MICAL2: variants seen among roughly 807,000 people sequenced by gnomAD.
The protein encoded by MICAL2 is [F-actin]-monooxygenase MICAL2.
MICAL2 carries 77 observed loss-of-function variants against 127.3 expected under a neutral mutation model. That is an observed-to-expected ratio of 0.60 (90% CI 0.50 to 0.73). The LOEUF (loss-of-function observed/expected upper bound fraction) is 0.73, where lower values mean the gene tolerates loss of function less well. Among genes scored for constraint, MICAL2 ranks in the 30% least tolerant of loss-of-function variants. MICAL2 has a pLI of 0.00. For missense variants in MICAL2, 1,351 were observed against 1,434.4 expected (o/e 0.94, Z 0.94); for synonymous variants, 570 against 551.1 (o/e 1.03, Z -0.48).
chr11:12,143,141 G>T (rs941532002), intron 2 of MICAL2, among the ~76,000 whole-genome samples: 1 of 152,222 alleles, frequency 6.6e-6, no homozygotes, highest in African/African-American at 2.4e-5. Flanking sequence ...TTACCAAGGA[G>T]GGGCTGTGAG....
At chr11:12,240,970 C>A in intron 17 of MICAL2, 70 bp from the exon 18 acceptor site, 2 of 1,575,344 alleles carry the variant, frequency 1.3e-6, no homozygotes, top group Non-Finnish European at 1.7e-6. Context: ...CTCCAAGCCT[C>A]TCAATCTGAC....
At chr11:12,258,201 G>A (rs745974719) in intron 24 of MICAL2, among the ~76,000 whole-genome samples, 6 of 152,252 alleles carry the variant, frequency 3.9e-5, no homozygotes, top group South Asian at 4.1e-4. Context: ...TACGGGAGCC[G>A]GCATGGTTTG....
chr11:12,217,799 G>T (rs544307104), intron 8 of MICAL2, among the ~76,000 whole-genome samples: 1 of 152,218 alleles, frequency 6.6e-6, no homozygotes, highest in African/African-American at 2.4e-5. Flanking sequence ...TCCTTCAGAG[G>T]CCCCTGGGAG....
At chr11:12,246,281 G>A (rs1590615636) in intron 21 of MICAL2, among the ~76,000 whole-genome samples, 2 of 152,360 alleles carry the variant, frequency 1.3e-5, no homozygotes, top group South Asian at 4.1e-4. Context: ...CCTGCCTGCT[G>A]CTGTCTCTGG....
At chr11:12,219,501 C>T (rs1463061311) in intron 8 of MICAL2, among the ~76,000 whole-genome samples, 2 of 124,742 alleles carry the variant, frequency 1.6e-5, no homozygotes, top group Non-Finnish European at 3.1e-5. Flanking sequence ...GCTCTCTAAC[C>T]TGGGAGACAA....
intron 13 of MICAL2, among the ~76,000 whole-genome samples, chr11:12,225,076 T>TC (rs928747303): frequency 7.1e-5 from 10 of 140,214 alleles, no homozygotes; most frequent in East Asian, 4.9e-4. Context: ...CCACTACCCT[T>TC]CCCCCCCGAG....
At chr11:12,355,883 G>A (rs1310931690) in intron 34 of MICAL2, among the ~76,000 whole-genome samples, 2 of 152,094 alleles carry the variant, frequency 1.3e-5, no homozygotes, top group African/African-American at 2.4e-5. Context: ...AGACTAAAGT[G>A]GTATAAATCA....
chr11:12,356,402 C>T (rs370811620), intron 34 of MICAL2, among the ~76,000 whole-genome samples: 5 of 152,202 alleles, frequency 3.3e-5, no homozygotes, highest in African/African-American at 1.2e-4. Flanking sequence ...GATGCCACCC[C>T]TCCCTTCTCT....
intron 22 of MICAL2, chr11:12,252,839 A>G (rs1332884227): frequency 2.0e-5 from 3 of 152,100 alleles, no homozygotes; most frequent in African/African-American, 7.2e-5. Flanking sequence ...CCCACACACA[A>G]GTTACTGTTA....
downstream of MICAL2, among the ~76,000 whole-genome samples, chr11:12,360,020 A>C (rs1457901289): frequency 6.6e-6 from 1 of 152,086 alleles, no homozygotes; most frequent in Non-Finnish European, 1.5e-5. Flanking sequence ...GAGTCAGCCA[A>C]TGCTTTGGGT....
chr11:12,291,143 G>A (rs16911023), downstream of MICAL2, among the ~76,000 whole-genome samples: 965 of 152,280 alleles, frequency 6.3e-3, 13 homozygotes, highest in African/African-American at 0.022. Context: ...ATCCCTACGT[G>A]CCACCACGGT....
chr11:12,110,831 G>A lies in MICAL2; in HGVS notation c.-149+105G>A, dbSNP rs1383327551. 2 of 152,156 alleles carry A rather than the reference G, an allele frequency of 1.3e-5. No homozygotes were observed. Among genetic ancestry groups the A allele is most frequent in the Non-Finnish European group, 2.9e-5 (2 of 68,024 alleles). 9.4% of individuals were successfully genotyped at this position (152,156 alleles called of 1,614,324 possible). A position where few individuals can be genotyped will look rare whatever the true frequency, so the allele number is the denominator to read the frequency against. ...TCTGCGCCGTGTCCAACGCCCGGGA[G>A]GGTCAGGTGCGGCCGCAGCATCCCC... On this transcript the variant is annotated intron_variant, in intron 1 of 27. Coordinates refer to ENST00000683283, the MANE Select transcript of MICAL2 (RefSeq NM_001282663.2). The surrounding 1 kb of genome is among the most constrained non-coding windows in gnomAD (Gnocchi z 4.5).
In MICAL2 at chr11:12,209,687, C is replaced by T; in HGVS notation, c.691+89C>T. The T allele has an allele frequency of 3.4e-6, 4 of 1,162,160 alleles. No homozygotes were observed. In the South Asian group the frequency reaches 5.0e-5, roughly 14 times the overall value. The allele number at this position is 1,162,160 out of a possible 1,614,324, so 72.0% of individuals were successfully genotyped here. On this transcript the variant is annotated intron_variant, in intron 6 of 27. Transcript: ENST00000683283. ...AGAGTTGGAGAAAGTGGGCAAGATG[C>T]AGATGCCAGAGCTGGATGGAGGTTT...
rs1856817050 is a variant in MICAL2, at chr11:12,221,520, C to CTCTACCTA, written c.1207-123_1207-122insCTACCTAT. 1.8e-5 allele frequency: 11 copies of CTCTACCTA among 620,762 alleles called. No homozygotes were observed. The East Asian group carries it at 3.1e-4, about 18-fold the overall frequency. 38.5% of individuals were successfully genotyped at this position (620,762 alleles called of 1,614,324 possible). On this transcript the variant is annotated intron_variant, in intron 9 of 27. Transcript: ENST00000683283. ...CCTCATAGGTAGCAGGGTCCCTGCCCTGTCACCTCTCTGTCCCTCCAGTGC... is the reference window on the plus strand; with the variant it reads ...CCTCATAGGTAGCAGGGTCCCTGCCCTCTACCTATGTCACCTCTCTGTCCCTCCAGTGC...
At chr11:12,243,948 T>C in intron 20 of MICAL2, 39 bp from the exon 21 acceptor site, 1 of 1,611,084 alleles carries the variant, frequency 6.2e-7, no homozygotes, top group Middle Eastern at 1.7e-4. Context: ...GTGTGACTCC[T>C]GGGATAATCC....
At chr11:12,293,978 C>T, downstream of MICAL2, 1 of 1,614,104 alleles carries the variant, frequency 6.2e-7, no homozygotes, top group South Asian at 1.1e-5. Flanking sequence ...GAAGTTAGTC[C>T]TCACTCAGGA....
Position 12,269,832 on chromosome 11 carries a change from G to A in MICAL2, c.3335-6154G>A, listed in dbSNP as rs992217762. Reference sequence around the variant, plus strand: ...GTGGAGGGTGTGTCCGTGTGTATCTGCACACCTACACACACGGGCCAGGTC... The same window carrying A: ...GTGGAGGGTGTGTCCGTGTGTATCTACACACCTACACACACGGGCCAGGTC... On this transcript the variant is annotated intron_variant, in intron 24 of 34. Coordinates refer to the MICAL2 transcript ENST00000646065. 2.0e-5 allele frequency among the ~76,000 whole-genome samples: 3 copies of A among 152,216 alleles called. No individual in the cohort carries two copies. The South Asian group carries it at 6.2e-4, about 31-fold the overall frequency.
intron 2 of MICAL2, among the ~76,000 whole-genome samples, chr11:12,285,879 C>T (rs1350725526): frequency 1.3e-5 from 2 of 152,102 alleles, no homozygotes; most frequent in Non-Finnish European, 2.9e-5. Context: ...CCCACACCCA[C>T]ATCATGCCCT....
chr11:12,234,300 A>AC (rs201749673), intron 15 of MICAL2, among the ~76,000 whole-genome samples: 8 of 139,714 alleles, frequency 5.7e-5, no homozygotes, highest in Admixed American at 4.1e-4. Context: ...TAAGGTAGAA[A>AC]CCAAAAAAAA....
Sources: gnomAD v4.1 joint callset for allele counts (sites outside exome capture counted in the v4.1 genomes callset) on GRCh38, gnomAD v4.1.1 for gene constraint, Gnocchi (gnomAD v3.1) non-coding constraint, MANE v1.5 for transcripts, NCBI Gene and HGNC (gene_info 2026-07-23, HGNC 2026-07-21) for gene names.